The following DNAH6 variants were observed in gnomAD, a reference collection of about 807,000 sequenced individuals.
DNAH6 encodes the protein dynein axonemal heavy chain 6, also known as axonemal beta dynein heavy chain 6.
Under a neutral mutation model 491.4 loss-of-function variants are expected in DNAH6, and 340 were observed. The observed-to-expected ratio is 0.69, with a 90% confidence interval of 0.63 to 0.76. The LOEUF is 0.76. DNAH6 is among the 30% of genes least tolerant of loss of function. The pLI, the probability that DNAH6 is intolerant of heterozygous loss-of-function variation, is 0.00. For missense variants in DNAH6, 4,443 were observed against 4,972.2 expected (o/e 0.89, Z 3.20); for synonymous variants, 1,603 against 1,686.1 (o/e 0.95, Z 1.21).
chr2:84,610,158 C>G (rs1686186074), intron 21 of DNAH6, among the ~76,000 whole-genome samples: 1 of 152,124 alleles, frequency 6.6e-6, no homozygotes. Context: ...GGGCTTCAAT[C>G]TCTTGCTGGC....
intron 64 of DNAH6, among the ~76,000 whole-genome samples, chr2:84,771,604 G>A (rs1333010705): frequency 2.6e-5 from 4 of 152,138 alleles, no homozygotes; most frequent in African/African-American, 4.8e-5. Flanking sequence ...ACAGATAAGA[G>A]ATTCTCAGTA....
At chr2:84,662,366 T>A (rs1416364161) in intron 37 of DNAH6, among the ~76,000 whole-genome samples, 1 of 152,172 alleles carries the variant, frequency 6.6e-6, no homozygotes, top group Non-Finnish European at 1.5e-5. Flanking sequence ...AGGGAAGCCG[T>A]GACAGGCAGT....
At chr2:84,473,965 G>A in the DNAH6 span, among the ~76,000 whole-genome samples, 1 of 152,092 alleles carries the variant, frequency 6.6e-6, no homozygotes, top group Admixed American at 6.5e-5. Flanking sequence ...CATAAGTTTG[G>A]CAAATAGTCA....
In DNAH6 at chr2:84,589,004, G is replaced by A. The variant is rs1313798467; in HGVS notation, c.2610+50G>A. On this transcript the variant is annotated intron_variant, in intron 16 of 76. Coordinates refer to ENST00000389394, the MANE Select transcript of DNAH6 (RefSeq NM_001370.2). ...TCTTAGAAATGTGTGTATAGAAATG[G>A]CGTATATGCACAAGGACTTCAATAA... The A allele has an allele frequency of 1.4e-5, 21 of 1,478,084 alleles. No homozygotes were observed. The Middle Eastern group carries it at 5.2e-4, about 37-fold the overall frequency. The allele number at this position is 1,478,084 out of a possible 1,614,324, so 91.6% of individuals were successfully genotyped here.
chr2:84,552,061 A>G (rs932931042), intron 9 of DNAH6, among the ~76,000 whole-genome samples: 1 of 152,076 alleles, frequency 6.6e-6, no homozygotes, highest in African/African-American at 2.4e-5. Context: ...AAAAAAAAAA[A>G]AAAAAAGAAT....
At chr2:84,625,744 C>T (rs1687800250) in intron 29 of DNAH6, among the ~76,000 whole-genome samples, 1 of 152,058 alleles carries the variant, frequency 6.6e-6, no homozygotes, top group Admixed American at 6.6e-5. Flanking sequence ...CTAATATTTT[C>T]AAGATATTGC....
intron 64 of DNAH6, among the ~76,000 whole-genome samples, chr2:84,763,267 A>G (rs1040924521): frequency 1.3e-5 from 2 of 152,316 alleles, no homozygotes. Flanking sequence ...TTTACTCTCT[A>G]TAATCAAATG....
chr2:84,664,319 T>A (rs1691845354), intron 37 of DNAH6, among the ~76,000 whole-genome samples: 1 of 151,708 alleles, frequency 6.6e-6, no homozygotes, highest in South Asian at 2.1e-4. Flanking sequence ...GGATAAAGAG[T>A]CAAGACCCAT....
rs760875933 is a variant in DNAH6 at position 84,544,248 on chromosome 2, G to A, written c.678G>A (p.Glu226=). The A allele has an allele frequency of 7.2e-5, 106 of 1,463,276 alleles. No individual in the cohort carries two copies. The highest frequency in any genetic ancestry group is 1.7e-4 in the Middle Eastern group (1 of 5,762). The allele number at this position is 1,463,276 out of a possible 1,614,324, so 90.6% of individuals were successfully genotyped here. Residue 226 remains glutamate (E), a synonymous_variant, in exon 5 of 77, where the codon GAG becomes GAA. Transcript: ENST00000389394. ...TTGTTTATAGAGTTGTAAGTTATGA[G>A]AACATCAATAAAAATGACTACTATA... ...DTYNLKVVSY[E]NINKNDYYTI... is the part of the protein sequence containing the mutation.
chr2:84,619,646 C>A, intron 23 of DNAH6, 39 bp from the exon 24 acceptor site: 1 of 1,512,368 alleles, frequency 6.6e-7, no homozygotes, highest in Non-Finnish European at 9.0e-7. Flanking sequence ...GACTTTACTT[C>A]CATTTCAAGT....
intron 76 of DNAH6, among the ~76,000 whole-genome samples, chr2:84,816,401 A>G (rs976637471): frequency 1.4e-4 from 21 of 152,182 alleles, no homozygotes; most frequent in Non-Finnish European, 2.6e-4. Flanking sequence ...CACTAAATCC[A>G]TTTTTACTCA....
Position 84,669,288 on chromosome 2 carries a change from G to T in DNAH6, c.6085-1G>T. 1 of 1,549,456 alleles carries T rather than the reference G, an allele frequency of 6.5e-7. No homozygotes were observed. Among genetic ancestry groups the T allele is most frequent in the East Asian group, 2.4e-5 (1 of 40,902 alleles). On this transcript the variant is annotated splice_acceptor_variant, in intron 37 of 76. Transcript: ENST00000389394. LOFTEE classifies it high-confidence loss of function. ...AAGTGGTGTTTAATTTTGTACTTTA[G>T]CTTCCCAATTCTGGTGATCTGTGGA...
intron 38 of DNAH6, 43 bp downstream of exon 38, chr2:84,669,553 G>T: frequency 6.8e-7 from 1 of 1,469,622 alleles, no homozygotes; most frequent in South Asian, 1.2e-5. Flanking sequence ...CCAAATGTGA[G>T]GGCATGATGG....
intron 2 of DNAH6, among the ~76,000 whole-genome samples, chr2:84,518,376 A>G (rs1203719234): frequency 2.0e-5 from 3 of 152,226 alleles, no homozygotes; most frequent in Non-Finnish European, 4.4e-5. Context: ...AACACTGAGA[A>G]GTTTAGCAAA....
intron 37 of DNAH6, among the ~76,000 whole-genome samples, chr2:84,666,183 A>G (rs142840987): frequency 0.012 from 1,808 of 152,308 alleles, 39 homozygotes; most frequent in African/African-American, 0.042. Flanking sequence ...TCCCTTTGAA[A>G]ACTGGCACAA....
intron 18 of DNAH6, among the ~76,000 whole-genome samples, chr2:84,603,702 T>C (rs1025247269): frequency 2.0e-5 from 3 of 152,176 alleles, no homozygotes; most frequent in Non-Finnish European, 4.4e-5. Context: ...AATTGTTTTT[T>C]TCCATGTTCT....
chr2:84,512,774 G>A (rs1364269056), upstream of DNAH6, among the ~76,000 whole-genome samples: 1 of 151,974 alleles, frequency 6.6e-6, no homozygotes, highest in Non-Finnish European at 1.5e-5. Context: ...TTGTCTTAAA[G>A]TCTATTTTGT....
At chr2:84,660,473 A>C (rs186242913) in intron 37 of DNAH6, among the ~76,000 whole-genome samples, 13 of 152,336 alleles carry the variant, frequency 8.5e-5, no homozygotes, top group Middle Eastern at 3.4e-3. Context: ...ACCTATGCAG[A>C]AGGAATAATG....
At chr2:84,676,426 G>A (rs1229348052) in intron 40 of DNAH6, among the ~76,000 whole-genome samples, 1 of 152,204 alleles carries the variant, frequency 6.6e-6, no homozygotes, top group Non-Finnish European at 1.5e-5. Flanking sequence ...TGAAAAAAAT[G>A]AATGAGTTTG....
Sources: gnomAD v4.1 joint callset for allele counts (sites outside exome capture counted in the v4.1 genomes callset) on GRCh38, gnomAD v4.1.1 for gene constraint, MANE v1.5 for transcripts, NCBI Gene and HGNC (gene_info 2026-07-23, HGNC 2026-07-21) for gene names.